EYS: variants seen among roughly 807,000 people sequenced by gnomAD.
The protein encoded by EYS is EGF-like photoreceptor maintenance factor, also known as protein eyes shut homolog.
In EYS, 250 loss-of-function variants were observed where a neutral mutation model predicts 282.1. The observed-to-expected ratio is 0.89, with a 90% CI of 0.80 to 0.98. The LOEUF (loss-of-function observed/expected upper bound fraction) is 0.98. Among genes scored for constraint, EYS ranks in the 50% least tolerant of loss-of-function variants. The pLI, the probability that EYS is intolerant of heterozygous loss-of-function variation, is 0.00. For synonymous variants in EYS, 1,355 were observed against 1,282.9 expected (o/e 1.06, Z -1.20); for missense variants, 4,016 against 3,709.0 (o/e 1.08, Z -2.15).
chr6:64,082,859 T>C (rs1772019397), intron 31 of EYS, among the ~76,000 whole-genome samples: 1 of 152,068 alleles, frequency 6.6e-6, no homozygotes, highest in African/African-American at 2.4e-5. Context: ...ACATGGTATG[T>C]TGAAAATGCA....
intron 26 of EYS, among the ~76,000 whole-genome samples, chr6:64,535,987 A>C (rs1049329705): frequency 6.6e-6 from 1 of 152,016 alleles, no homozygotes; most frequent in Non-Finnish European, 1.5e-5. Flanking sequence ...GCTTAGTTTT[A>C]TTTTTAATTC....
chr6:64,726,965 G>A (rs752541636), intron 22 of EYS, among the ~76,000 whole-genome samples: 10 of 152,116 alleles, frequency 6.6e-5, no homozygotes, highest in Non-Finnish European at 1.3e-4. Flanking sequence ...TGTGTAATTT[G>A]CACTACAGTA....
At chr6:65,642,710 G>T (rs1199202959) in intron 1 of EYS, among the ~76,000 whole-genome samples, 1 of 152,070 alleles carries the variant, frequency 6.6e-6, no homozygotes, top group East Asian at 1.9e-4. Flanking sequence ...TTTTCCCTGT[G>T]ATTTCAGTCT....
rs749350833 is a variant in EYS, at chr6:64,696,068, C to G, written c.3444-69823G>C. ...TCAAAATGCTGATTTAAAAGATATTCAAAAAGATACAAGATAAATCTGAAA... is the reference window on the plus strand; with the variant it reads ...TCAAAATGCTGATTTAAAAGATATTGAAAAAGATACAAGATAAATCTGAAA... On this transcript the variant is annotated intron_variant, in intron 22 of 42. Coordinates refer to ENST00000503581, the MANE Select transcript of EYS (RefSeq NM_001142800.2). Among the ~76,000 whole-genome samples the G allele has an allele frequency of 2.6e-5, 4 of 151,706 alleles. No homozygotes were observed. In the East Asian group the frequency reaches 5.8e-4, roughly 22 times the overall value.
chr6:64,605,577 T>A (rs1429491406), intron 24 of EYS, among the ~76,000 whole-genome samples: 1 of 151,836 alleles, frequency 6.6e-6, no homozygotes, highest in Non-Finnish European at 1.5e-5. Flanking sequence ...CCTCTGAATT[T>A]TTTTTTTCTA....
intron 2 of EYS, among the ~76,000 whole-genome samples, chr6:65,619,129 C>T (rs376310005): frequency 9.9e-5 from 15 of 151,710 alleles, no homozygotes; most frequent in African/African-American, 2.7e-4. Context: ...ATTGAATCTG[C>T]AAATTACCTT....
At chr6:64,110,434 G>A (rs923701336) in intron 31 of EYS, among the ~76,000 whole-genome samples, 1 of 151,954 alleles carries the variant, frequency 6.6e-6, no homozygotes, top group African/African-American at 2.4e-5. Flanking sequence ...GACTCTGTGT[G>A]TGTGTGTTTG....
intron 29 of EYS, among the ~76,000 whole-genome samples, chr6:64,356,646 G>A (rs148206046): frequency 1.3e-4 from 20 of 151,632 alleles, no homozygotes; most frequent in East Asian, 7.8e-4. Context: ...GGAAGAATTC[G>A]TTGATCAGAG....
intron 29 of EYS, among the ~76,000 whole-genome samples, chr6:64,387,546 G>A (rs535130093): frequency 1.3e-5 from 2 of 152,002 alleles, no homozygotes; most frequent in East Asian, 3.9e-4. Context: ...TTTAACTGAG[G>A]CCTTTATTTA....
chr6:64,128,093 A>G (rs182361798), intron 31 of EYS, among the ~76,000 whole-genome samples: 11 of 152,250 alleles, frequency 7.2e-5, no homozygotes, highest in African/African-American at 1.7e-4. Context: ...TGGGACATCT[A>G]AAGAGCTTCA....
chr6:64,518,779 G>GTCC, intron 26 of EYS, among the ~76,000 whole-genome samples: 1 of 146,924 alleles, frequency 6.8e-6, no homozygotes, highest in South Asian at 2.2e-4. Flanking sequence ...GTTTATAAGG[G>GTCC]GCCCCCCCCT....
chr6:64,552,971 T>C (rs1346385409), intron 26 of EYS, among the ~76,000 whole-genome samples: 1 of 127,862 alleles, frequency 7.8e-6, no homozygotes, highest in Non-Finnish European at 1.6e-5. Context: ...AATTCAGCTA[T>C]GACCCAGAAG....
At chr6:65,454,000 A>G (rs1397339254) in intron 5 of EYS, among the ~76,000 whole-genome samples, 1 of 151,474 alleles carries the variant, frequency 6.6e-6, no homozygotes, top group African/African-American at 2.4e-5. Context: ...GAAAGTGCAG[A>G]TATCTCTTTG....
At chr6:65,191,948 C>CTT (rs60578566) in intron 12 of EYS, among the ~76,000 whole-genome samples, 1 of 146,036 alleles carries the variant, frequency 6.8e-6, no homozygotes, top group African/African-American at 2.5e-5. Flanking sequence ...TTCATTTGTA[C>CTT]TTTTTTTTTT....
intron 29 of EYS, among the ~76,000 whole-genome samples, chr6:64,353,934 T>C (rs1771733354): frequency 6.6e-6 from 1 of 151,428 alleles, no homozygotes; most frequent in African/African-American, 2.4e-5. Context: ...TTATTAGAAG[T>C]AAATTTGTAA....
intron 1 of EYS, among the ~76,000 whole-genome samples, chr6:65,659,007 AC>A (rs1279798120): frequency 4.6e-5 from 7 of 151,412 alleles, no homozygotes; most frequent in African/African-American, 1.7e-4. Context: ...CTTTTTGAAG[AC>A]CACATGGGTG....
At chr6:64,052,593 T>C (rs1034610717) in intron 33 of EYS, among the ~76,000 whole-genome samples, 1 of 152,170 alleles carries the variant, frequency 6.6e-6, no homozygotes, top group Non-Finnish European at 1.5e-5. Flanking sequence ...AATTATAGCC[T>C]AACAATTTTT....
intron 30 of EYS, among the ~76,000 whole-genome samples, chr6:64,275,229 C>A (rs1337560580): frequency 6.6e-6 from 1 of 152,124 alleles, no homozygotes; most frequent in Non-Finnish European, 1.5e-5. Context: ...AATAAGTTTG[C>A]GATTGGTGCT....
chr6:63,731,996 A>C (rs1189984824), intron 41 of EYS, among the ~76,000 whole-genome samples: 1 of 152,084 alleles, frequency 6.6e-6, no homozygotes. Context: ...GGAAGAGTTC[A>C]GTCAACAACA....
Sources: gnomAD v4.1 joint callset for allele counts (sites outside exome capture counted in the v4.1 genomes callset) on GRCh38, gnomAD v4.1.1 for gene constraint, MANE v1.5 for transcripts, NCBI Gene and HGNC (gene_info 2026-07-23, HGNC 2026-07-21) for gene names.